SSH2: variants seen among roughly 807,000 people sequenced by gnomAD.
SSH2 encodes slingshot protein phosphatase 2.
In SSH2, 37 loss-of-function variants were observed where a neutral mutation model predicts 135.2. The ratio of observed to expected loss-of-function variants is 0.27; its 90% CI spans 0.21 to 0.36. The LOEUF (loss-of-function observed/expected upper bound fraction) is 0.36, where lower values mean the gene tolerates loss of function less well. SSH2 is among the 10% of genes least tolerant of loss of function. The pLI is 1.00. For synonymous variants in SSH2, 628 were observed against 646.2 expected, an observed-to-expected ratio of 0.97 and a Z score of 0.43; for missense variants, 1,408 against 1,765.3, an observed-to-expected ratio of 0.80 and a Z score of 3.63.
chr17:29,733,155 A>C lies in SSH2; in HGVS notation c.189-30093T>G, dbSNP rs552037551. On this transcript the variant is annotated intron_variant, in intron 3 of 15. Transcript: ENST00000540801. Reference sequence around the variant, plus strand: ...TCCAGCATCCAGCAAAGGAAGAACCAAATGGGGACAGAGCTCACTCACAGA... The same window carrying C: ...TCCAGCATCCAGCAAAGGAAGAACCCAATGGGGACAGAGCTCACTCACAGA... Among the ~76,000 whole-genome samples, 322 of 152,358 alleles carry C rather than the reference A, an allele frequency of 2.1e-3. 1 individual carries two copies. The highest frequency in any genetic ancestry group is 7.6e-3 in the African/African-American group (317 of 41,576).
At chr17:29,716,297 T>C (rs1051717437) in intron 3 of SSH2, 2 of 430,522 alleles carry the variant, frequency 4.6e-6, no homozygotes, top group East Asian at 5.4e-5. Context: ...CCCAGGTACC[T>C]TTCTCTTTGG....
At chr17:29,741,949 T>C (rs2040573672) in intron 3 of SSH2, among the ~76,000 whole-genome samples, 1 of 147,582 alleles carries the variant, frequency 6.8e-6, no homozygotes, top group Non-Finnish European at 1.5e-5. Context: ...TTTTTTTTTT[T>C]TTTTTGATGG....
intron 3 of SSH2, among the ~76,000 whole-genome samples, chr17:29,724,015 T>C (rs561085677): frequency 2.0e-5 from 3 of 152,298 alleles, no homozygotes; most frequent in East Asian, 3.9e-4. Context: ...TTAGGTCCTA[T>C]ATAAGCTCCT....
At chr17:29,832,210 C>CACA (rs1318718406) in intron 2 of SSH2, among the ~76,000 whole-genome samples, 11 of 152,160 alleles carry the variant, frequency 7.2e-5, no homozygotes, top group Admixed American at 5.9e-4. Flanking sequence ...GTGGTGCTAT[C>CACA]ACAGCTCATT....
In SSH2 at chr17:29,666,151, T is replaced by A. The variant is rs1343076612; in HGVS notation, c.1032+716A>T. Among the ~76,000 whole-genome samples the A allele has an allele frequency of 1.3e-5, 2 of 152,036 alleles. 1 individual carries two copies. The highest frequency in any genetic ancestry group is 4.1e-4 in the South Asian group (2 of 4,824). ...CTTTGGGAAGGACTAGGTGAGTGGA[T>A]TGCTTGAGCTCAGGAGTTCGAGACC... On this transcript the variant is annotated intron_variant, in intron 11 of 15. Transcript: ENST00000540801.
rs556404299 is a variant in SSH2, at chr17:29,631,796, C to A, written c.3398G>T (p.Ser1133Ile). 1.8e-5 allele frequency: 29 copies of A among 1,614,216 alleles called. No homozygotes were observed. In the East Asian group the frequency reaches 6.5e-4, roughly 36 times the overall value. ...ILSSPEDRGS[S>I]LSTALETAAP... ...TGCTGTCTCCAGGGCTGTGGACAGGCTGCTGCCTCTGTCTTCAGGGCTACT... is the reference window on the plus strand; with the variant it reads ...TGCTGTCTCCAGGGCTGTGGACAGGATGCTGCCTCTGTCTTCAGGGCTACT... The change falls in exon 16 of 16, where the codon AGC (serine) becomes ATC (isoleucine). Residue 1133 changes from serine (S) to isoleucine (I), a missense_variant. Ser to Ile is a moderately radical substitution (Grantham distance 142). Transcript: ENST00000540801.
intron 1 of SSH2, among the ~76,000 whole-genome samples, chr17:29,880,778 T>C (rs1005980340): frequency 6.6e-6 from 1 of 152,236 alleles, no homozygotes; most frequent in Non-Finnish European, 1.5e-5. Flanking sequence ...CTGAGAACAC[T>C]ACCTCATATT....
intron 3 of SSH2, among the ~76,000 whole-genome samples, chr17:29,779,377 A>G (rs145235469): frequency 2.1e-4 from 32 of 152,310 alleles, no homozygotes; most frequent in African/African-American, 7.7e-4. Flanking sequence ...CAGCGAGGCT[A>G]CTCTGTATGA....
intron 8 of SSH2, chr17:29,674,286 T>A (rs944750313): frequency 2.4e-6 from 1 of 420,594 alleles, no homozygotes; most frequent in Admixed American, 2.7e-5. Flanking sequence ...TAAAAATGCT[T>A]TATATTACTC....
chr17:29,929,885 A>C, intron 1 of SSH2, 53 bp downstream of exon 1: 1 of 1,514,770 alleles, frequency 6.6e-7, no homozygotes, highest in Non-Finnish European at 8.9e-7. Flanking sequence ...CGCTGAGGCA[A>C]AGCGGAGCCG....
chr17:29,881,889 C>A (rs376322889), intron 1 of SSH2, among the ~76,000 whole-genome samples: 15 of 152,180 alleles, frequency 9.9e-5, no homozygotes, highest in East Asian at 9.6e-4. Context: ...GAAAATTTCC[C>A]CAAAACTTTA....
At chr17:29,883,886 C>A (rs577399132) in intron 1 of SSH2, among the ~76,000 whole-genome samples, 3 of 152,152 alleles carry the variant, frequency 2.0e-5, no homozygotes, top group Admixed American at 2.0e-4. Context: ...AAATATTTGA[C>A]CTTGCATTCC....
chr17:29,678,674 A>C (rs773811127), intron 6 of SSH2, among the ~76,000 whole-genome samples: 1 of 151,926 alleles, frequency 6.6e-6, no homozygotes, highest in Non-Finnish European at 1.5e-5. Flanking sequence ...AACAACCAAG[A>C]AAAGGGTAGC....
At chr17:29,764,269 GA>G (rs1372036107) in intron 3 of SSH2, among the ~76,000 whole-genome samples, 2 of 152,164 alleles carry the variant, frequency 1.3e-5, no homozygotes, top group East Asian at 3.9e-4. Flanking sequence ...GCTTTTTTAA[GA>G]AAAAAATTAA....
intron 15 of SSH2, among the ~76,000 whole-genome samples, chr17:29,635,599 G>A (rs973405174): frequency 1.1e-4 from 17 of 151,210 alleles, no homozygotes; most frequent in South Asian, 6.3e-4. Context: ...TAGTAGAGAC[G>A]GGGTTTCACC....
At chr17:29,745,991 TAA>T (rs932002922) in intron 3 of SSH2, among the ~76,000 whole-genome samples, 30 of 152,298 alleles carry the variant, frequency 2.0e-4, no homozygotes, top group African/African-American at 6.7e-4. Flanking sequence ...ATAAATCTTT[TAA>T]GAGTTTTTAA....
intron 4 of SSH2, among the ~76,000 whole-genome samples, chr17:29,700,934 C>G (rs537552835): frequency 1.3e-5 from 2 of 151,690 alleles, no homozygotes; most frequent in African/African-American, 4.8e-5. Flanking sequence ...GGACTACAGG[C>G]GCGCACCACC....
chr17:29,670,204 T>C (rs1030430379), intron 9 of SSH2, among the ~76,000 whole-genome samples: 5 of 152,030 alleles, frequency 3.3e-5, no homozygotes, highest in Non-Finnish European at 7.4e-5. Flanking sequence ...TAATAAAATA[T>C]GGGAAAAATG....
chr17:29,880,270 C>T (rs1259003801), intron 1 of SSH2, among the ~76,000 whole-genome samples: 1 of 152,160 alleles, frequency 6.6e-6, no homozygotes, highest in Non-Finnish European at 1.5e-5. Flanking sequence ...CAGGCACGTA[C>T]CACCCATGAC....
Sources: allele counts gnomAD v4.1 joint callset (sites outside exome capture counted in the v4.1 genomes callset), GRCh38; gene constraint gnomAD v4.1.1; transcripts MANE v1.5; gene names NCBI Gene and HGNC (gene_info 2026-07-23, HGNC 2026-07-21).